PMFBP1: variants seen among roughly 807,000 people sequenced by gnomAD.
PMFBP1 encodes the protein polyamine modulated factor 1 binding protein 1.
Under a neutral mutation model 137.8 loss-of-function variants are expected in PMFBP1, and 131 were observed. That is an observed-to-expected ratio of 0.95 (90% CI 0.82 to 1.10). The LOEUF is 1.10. PMFBP1 is among the 50% of genes least tolerant of loss of function. The pLI is 0.00. For missense variants in PMFBP1, 1,199 were observed against 1,175.4 expected (o/e 1.02, Z -0.29); for synonymous variants, 490 against 450.4 (o/e 1.09, Z -1.11).
chr16:72,229,275 T>C, the PMFBP1 span, among the ~76,000 whole-genome samples: 23 of 152,324 alleles, frequency 1.5e-4, no homozygotes, highest in Admixed American at 3.3e-4. Context: ...TTTAGGTTGA[T>C]TGCATATCTT....
At chr16:72,164,680 A>G in intron 3 of PMFBP1, 84 bp downstream of exon 3, 1 of 1,488,962 alleles carries the variant, frequency 6.7e-7, no homozygotes, top group Admixed American at 2.0e-5. Flanking sequence ...TGAACAGTGG[A>G]AGAACTTTCT....
Position 72,122,959 on chromosome 16 carries a change from A to G in PMFBP1, c.2723T>C (p.Leu908Pro). The change falls in exon 19 of 21, where the codon CTC becomes CCC. Residue 908 changes from leucine to proline, a missense_variant. Physicochemically the swap from Leu to Pro is moderately conservative, Grantham distance 98. Transcript: ENST00000237353. ...GGCAATGTATTTCACCTGCTCTCGG[A>G]GCTGGTTTCCTAGTTTCTCATTGGC... ...KVANEKLGNQ[L>P]REQVKYIAKL... The G allele has an allele frequency of 3.1e-6, 5 of 1,613,366 alleles. No individual in the cohort carries two copies. Among genetic ancestry groups the G allele is most frequent in the Non-Finnish European group, 4.2e-6 (5 of 1,179,970 alleles).
chr16:72,176,926 C>T (rs2043261343), upstream of PMFBP1: 1 of 152,226 alleles, frequency 6.6e-6, no homozygotes, highest in Non-Finnish European at 1.5e-5. Flanking sequence ...TCTCAAATGC[C>T]CCTTCCCTTT....
chr16:72,122,965 T>A lies in PMFBP1; in HGVS notation c.2717A>T (p.Asn906Ile), dbSNP rs754084990. Residue 906 changes from asparagine (N) to isoleucine (I), a missense_variant, in exon 19 of 21, where the codon AAC becomes ATC. Coordinates refer to ENST00000237353, the MANE Select transcript of PMFBP1 (RefSeq NM_031293.3). ...GTATTTCACCTGCTCTCGGAGCTGG[T>A]TTCCTAGTTTCTCATTGGCGACCCT... ...QQKVANEKLG[N>I]QLREQVKYIA... 1 of 1,613,222 alleles carries A rather than the reference T, an allele frequency of 6.2e-7. No individual in the cohort carries two copies. Among genetic ancestry groups the A allele is most frequent in the Non-Finnish European group, 8.5e-7 (1 of 1,179,950 alleles).
chr16:72,170,336 T>A (rs1311810768), intron 2 of PMFBP1, among the ~76,000 whole-genome samples: 1 of 151,996 alleles, frequency 6.6e-6, no homozygotes, highest in East Asian at 1.9e-4. Flanking sequence ...AGGAGGTCTG[T>A]TAAAAAGCAT....
At chr16:72,176,320 C>G (rs1304208708), upstream of PMFBP1, among the ~76,000 whole-genome samples, 2 of 152,184 alleles carry the variant, frequency 1.3e-5, no homozygotes, top group African/African-American at 4.8e-5. Flanking sequence ...CCCCCTGGCT[C>G]TCTTCTTTGC....
intron 7 of PMFBP1, among the ~76,000 whole-genome samples, chr16:72,137,039 C>G (rs887195409): frequency 3.9e-5 from 6 of 152,086 alleles, no homozygotes; most frequent in African/African-American, 1.2e-4. Context: ...TGATGATTGC[C>G]CAACCTTGTG....
chr16:72,216,793 A>C, the PMFBP1 span, among the ~76,000 whole-genome samples: 1 of 152,240 alleles, frequency 6.6e-6, no homozygotes, highest in Non-Finnish European at 1.5e-5. Flanking sequence ...GCATTTGTTA[A>C]GAGTGGCTTC....
the PMFBP1 span, among the ~76,000 whole-genome samples, chr16:72,229,151 A>G: frequency 6.6e-6 from 1 of 152,172 alleles, no homozygotes; most frequent in African/African-American, 2.4e-5. Flanking sequence ...AATGGCCTCT[A>G]GCTCCATCCA....
chr16:72,123,697 C>T lies in PMFBP1; in HGVS notation c.2590-48G>A. 2.6e-6 allele frequency: 4 copies of T among 1,526,002 alleles called. No homozygotes were observed. In the South Asian group the frequency reaches 4.6e-5, roughly 17 times the overall value. 94.5% of individuals were successfully genotyped at this position (1,526,002 alleles called of 1,614,324 possible). On this transcript the variant is annotated intron_variant, in intron 17 of 20. Coordinates refer to ENST00000237353, the MANE Select transcript of PMFBP1 (RefSeq NM_031293.3). ...GACAGTCAGAGGTGGGAGCACAGGC[C>T]TGTCAGCCCTCCTTCCGAGTCAGGC...
intron 2 of PMFBP1, among the ~76,000 whole-genome samples, chr16:72,169,004 A>AT (rs1368118769): frequency 1.5e-4 from 23 of 152,348 alleles, no homozygotes; most frequent in Admixed American, 7.2e-4. Flanking sequence ...CTAATGTTAA[A>AT]TTGAAGCTCG....
the PMFBP1 span, among the ~76,000 whole-genome samples, chr16:72,244,292 A>C: frequency 5.9e-5 from 9 of 152,198 alleles, no homozygotes; most frequent in Non-Finnish European, 1.3e-4. Context: ...GACACAGACA[A>C]GAAAAAAAAG....
intron 14 of PMFBP1, chr16:72,128,314 G>A (rs1039727794): frequency 4.2e-6 from 5 of 1,178,458 alleles, no homozygotes; most frequent in Non-Finnish European, 3.3e-6. Flanking sequence ...TCCTTTTTGT[G>A]CTTTGTGACA....
intron 6 of PMFBP1, 138 bp downstream of exon 6, chr16:72,140,274 T>A: frequency 7.0e-6 from 6 of 856,838 alleles, no homozygotes; most frequent in Non-Finnish European, 1.1e-5. Context: ...ATGAACAAAG[T>A]TGGGGGGCAA....
At chr16:72,168,707 G>C (rs542344013) in intron 2 of PMFBP1, among the ~76,000 whole-genome samples, 11 of 152,192 alleles carry the variant, frequency 7.2e-5, no homozygotes, top group Admixed American at 5.2e-4. Context: ...TAGATACCCG[G>C]TTTCTCTTAT....
At chr16:72,227,293 C>T in the PMFBP1 span, among the ~76,000 whole-genome samples, 45 of 152,318 alleles carry the variant, frequency 3.0e-4, no homozygotes, top group African/African-American at 1.1e-3. Flanking sequence ...TGTTAAAGAG[C>T]TGATCCTTCC....
At chr16:72,180,878 C>T (rs945244517), upstream of PMFBP1, among the ~76,000 whole-genome samples, 1 of 152,164 alleles carries the variant, frequency 6.6e-6, no homozygotes, top group Non-Finnish European at 1.5e-5. Context: ...GAATGTCTGT[C>T]CCCAAAATGA....
upstream of PMFBP1, among the ~76,000 whole-genome samples, chr16:72,172,875 T>C (rs547041835): frequency 3.5e-4 from 53 of 152,300 alleles, no homozygotes; most frequent in Middle Eastern, 3.4e-3. Context: ...ATGGCGCCAA[T>C]AGACTTGCTT....
At chr16:72,182,158 G>C in the PMFBP1 span, among the ~76,000 whole-genome samples, 1 of 152,090 alleles carries the variant, frequency 6.6e-6, no homozygotes, top group Non-Finnish European at 1.5e-5. Context: ...TATTCTCCTG[G>C]TCACCGGCAT....
Sources: gnomAD v4.1 joint callset for allele counts (sites outside exome capture counted in the v4.1 genomes callset) on GRCh38, gnomAD v4.1.1 for gene constraint, MANE v1.5 for transcripts, NCBI Gene and HGNC (gene_info 2026-07-23, HGNC 2026-07-21) for gene names.